The following EIF2AK2 variants were observed in gnomAD, a reference collection of about 807,000 sequenced individuals.
EIF2AK2 encodes interferon-induced, double-stranded RNA-activated protein kinase.
In EIF2AK2, 40 loss-of-function variants were observed where a neutral mutation model predicts 70.5. The ratio of observed to expected loss-of-function variants is 0.57; its 90% CI spans 0.44 to 0.74. The LOEUF (loss-of-function observed/expected upper bound fraction) is 0.74, where lower values mean the gene tolerates loss of function less well. Ranked by LOEUF, EIF2AK2 falls within the 30% of genes least tolerant of loss-of-function variation. The probability of loss-of-function intolerance (pLI) is 0.00; values close to 1 mark genes in which losing one functional copy is unlikely to be tolerated. For missense variants in EIF2AK2, 555 were observed against 644.3 expected (o/e 0.86, Z 1.50); for synonymous variants, 198 against 220.9 (o/e 0.90, Z 0.92).
Position 37,139,626 on chromosome 2 carries a change from C to A in EIF2AK2, c.516+5G>T. Reference sequence around the variant, plus strand: ...ATAAAAATTTAATCCAAAGGCAATACGTACCACTGAGGTTTCTTCTGATAA... The same window carrying A: ...ATAAAAATTTAATCCAAAGGCAATAAGTACCACTGAGGTTTCTTCTGATAA... On this transcript the variant is annotated splice_donor_5th_base_variant and intron_variant, in intron 6 of 16. Transcript: ENST00000233057. 1 of 1,608,672 alleles carries A rather than the reference C, an allele frequency of 6.2e-7. No homozygotes were observed. Among genetic ancestry groups the A allele is most frequent in the East Asian group, 2.2e-5 (1 of 44,808 alleles).
intron 13 of EIF2AK2, among the ~76,000 whole-genome samples, chr2:37,119,363 G>A (rs960519230): frequency 6.6e-6 from 1 of 151,912 alleles, no homozygotes; most frequent in Non-Finnish European, 1.5e-5. Context: ...GAGAGATTAG[G>A]GAACCATATT....
In EIF2AK2 at chr2:37,107,547, G is replaced by A; in HGVS notation, c.1480-20C>T. 6.2e-7 allele frequency: 1 copy of A among 1,602,826 alleles called. No individual in the cohort carries two copies. Among genetic ancestry groups the A allele is most frequent in the South Asian group, 1.1e-5 (1 of 89,720 alleles). On this transcript the variant is annotated intron_variant, in intron 15 of 16. Transcript: ENST00000233057. ...GAAAAACTGGAAAAAAAAATGATAG[G>A]TGTATATTAGGAAATTATTTACTTG...
Position 37,138,518 on chromosome 2 carries a change from G to C in EIF2AK2, c.584C>G (p.Thr195Ser). 1 of 1,613,982 alleles carries C rather than the reference G, an allele frequency of 6.2e-7. No homozygotes were observed. The highest frequency in any genetic ancestry group is 1.1e-5 in the South Asian group (1 of 91,064). ...TCESQSNSLV[T>S]STLASESSSE... ...GTTTGTCTACACTTACAGTGTGCTGGTCACTAAAGAGTTGCTTTGGGACTC... is the reference window on the plus strand; with the variant it reads ...GTTTGTCTACACTTACAGTGTGCTGCTCACTAAAGAGTTGCTTTGGGACTC... Residue 195 changes from threonine to serine, a missense_variant, in exon 7 of 17, where the codon ACC becomes AGC. By Grantham distance (58) the Thr-to-Ser change is moderately conservative (BLOSUM62 1). Around this residue, in one of 3 missense-constraint regions of EIF2AK2, gnomAD observed 208 missense variants for 191.8 expected, o/e 1.08. Coordinates refer to ENST00000233057, the MANE Select transcript of EIF2AK2 (RefSeq NM_001135651.3).
intron 4 of EIF2AK2, among the ~76,000 whole-genome samples, chr2:37,146,579 C>T (rs1037432555): frequency 2.4e-4 from 37 of 152,172 alleles, no homozygotes; most frequent in Middle Eastern, 3.2e-3. Flanking sequence ...TCCCACTGAA[C>T]ACTTCTCACC....
intron 1 of EIF2AK2, chr2:37,149,378 G>C: frequency 1.8e-6 from 1 of 543,996 alleles, no homozygotes; most frequent in Non-Finnish European, 3.2e-6. Flanking sequence ...TACATTTTAA[G>C]CTTGATTGTC....
chr2:37,123,690 AC>A (rs1674633877), intron 11 of EIF2AK2, among the ~76,000 whole-genome samples: 3 of 152,226 alleles, frequency 2.0e-5, no homozygotes, highest in Non-Finnish European at 4.4e-5. Flanking sequence ...AGTGTGAAGT[AC>A]CTAATTCAGG....
chr2:37,107,286 C>T lies in EIF2AK2; in HGVS notation c.1643G>A (p.Arg548Gln), dbSNP rs372618188. Residue 548 changes from arginine (R) to glutamine (Q), a missense_variant, in exon 17 of 17, where the codon CGA (arginine) becomes CAA (glutamine). By Grantham distance (43) the Arg-to-Gln change is conservative. This residue lies in a region of EIF2AK2 where 299 missense variants were observed against 375.4 expected (regional missense o/e 0.80). Coordinates refer to ENST00000233057, the MANE Select transcript of EIF2AK2 (RefSeq NM_001135651.3). ...TTCAGAAGGGCTCTAACATGTGTGT[C>T]GTTCATTTTTCTCTGGGCTTTTCTT... The part of the protein sequence containing the change: ...VWKKSPEKNE[R>Q]HTC The T allele has an allele frequency of 9.3e-6, 15 of 1,613,028 alleles. No homozygotes were observed. In the African/African-American group the frequency reaches 1.7e-4, roughly 19 times the overall value.
In EIF2AK2 at chr2:37,147,096, C is replaced by T. The variant is rs530780951; in HGVS notation, c.120-123G>A. 1.0e-5 allele frequency: 9 copies of T among 877,842 alleles called. No individual in the cohort carries two copies. The East Asian group carries it at 1.7e-4, about 17-fold the overall frequency. The allele number at this position is 877,842 out of a possible 1,614,324, so 54.4% of individuals were successfully genotyped here. On this transcript the variant is annotated intron_variant, in intron 3 of 16. Coordinates refer to ENST00000233057, the MANE Select transcript of EIF2AK2 (RefSeq NM_001135651.3). Reference sequence around the variant, plus strand: ...GGGTTTGAACCTACATTCAATATAGCATTTAAGCAGTCACCTCAAACAGTA... The same window carrying T: ...GGGTTTGAACCTACATTCAATATAGTATTTAAGCAGTCACCTCAAACAGTA...
chr2:37,128,612 C>A (rs1674831320), intron 10 of EIF2AK2, among the ~76,000 whole-genome samples: 1 of 152,198 alleles, frequency 6.6e-6, no homozygotes, highest in African/African-American at 2.4e-5. Flanking sequence ...CCTCAAGAAA[C>A]TTCTGTTGAA....
chr2:37,149,477 A>G (rs1675669287), intron 1 of EIF2AK2, among the ~76,000 whole-genome samples: 1 of 152,204 alleles, frequency 6.6e-6, no homozygotes, highest in Non-Finnish European at 1.5e-5. Flanking sequence ...AAATTCAGAT[A>G]GCCTATTTCT....
intron 8 of EIF2AK2, 99 bp from the exon 9 acceptor site, chr2:37,137,116 C>T (rs1675155496): frequency 2.1e-6 from 2 of 966,010 alleles, no homozygotes; most frequent in South Asian, 1.8e-5. Context: ...GCTCTCTGAC[C>T]AATTTCTTAG....
chr2:37,102,634 C>T lies in EIF2AK2; in HGVS notation c.*4639G>A, dbSNP rs919620909. The T allele has an allele frequency of 1.3e-5, 2 of 152,112 alleles. No individual in the cohort carries two copies. The highest frequency in any genetic ancestry group is 2.9e-5 in the Non-Finnish European group (2 of 68,026). 9.4% of individuals were successfully genotyped at this position (152,112 alleles called of 1,614,324 possible). On this transcript the variant is annotated 3_prime_UTR_variant, in exon 17 of 17. Transcript: ENST00000233057. ...ATACATATTCATACACATATGTGCACACACACAGGATGGCTTCATGGACAT... is the reference window on the plus strand; with the variant it reads ...ATACATATTCATACACATATGTGCATACACACAGGATGGCTTCATGGACAT...
intron 10 of EIF2AK2, among the ~76,000 whole-genome samples, chr2:37,134,003 C>T (rs892731253): frequency 1.6e-4 from 25 of 152,194 alleles, no homozygotes; most frequent in Non-Finnish European, 3.5e-4. Context: ...CCTTACACAA[C>T]CCCTCTTGCT....
intron 7 of EIF2AK2, 27 bp from the exon 8 acceptor site, chr2:37,138,390 T>C (rs1290209288): frequency 4.4e-6 from 7 of 1,605,502 alleles, no homozygotes; most frequent in East Asian, 2.2e-5. Flanking sequence ...TAACTATTAG[T>C]TTATTAATTC....
At chr2:37,130,943 G>A (rs957416149) in intron 10 of EIF2AK2, among the ~76,000 whole-genome samples, 19 of 152,244 alleles carry the variant, frequency 1.2e-4, no homozygotes, top group African/African-American at 4.6e-4. Flanking sequence ...CTCTCCAAAC[G>A]TTTCATAGCT....
intron 10 of EIF2AK2, among the ~76,000 whole-genome samples, chr2:37,134,036 C>T (rs1675039383): frequency 6.6e-6 from 1 of 152,196 alleles, no homozygotes; most frequent in South Asian, 2.1e-4. Context: ...TTCCTTTGCT[C>T]CAGAATGCTG....
At chr2:37,109,116 A>C (rs1178613726) in intron 15 of EIF2AK2, 78 bp downstream of exon 15, 9 of 1,312,296 alleles carry the variant, frequency 6.9e-6, no homozygotes, top group Admixed American at 1.9e-5. Context: ...CGTGAGGGCA[A>C]GAACTGTCTG....
intron 10 of EIF2AK2, among the ~76,000 whole-genome samples, chr2:37,128,075 C>A (rs535760711): frequency 6.6e-6 from 1 of 152,220 alleles, no homozygotes; most frequent in Admixed American, 6.5e-5. Context: ...AGTCGGTCAT[C>A]CCCATGAAAC....
intron 14 of EIF2AK2, among the ~76,000 whole-genome samples, chr2:37,109,728 A>G (rs192799671): frequency 3.9e-5 from 6 of 152,372 alleles, no homozygotes; most frequent in Admixed American, 3.9e-4. Flanking sequence ...ACAATGGACT[A>G]CGACTCAGCA....
Sources: allele counts gnomAD v4.1 joint callset (sites outside exome capture counted in the v4.1 genomes callset), GRCh38; gene constraint gnomAD v4.1.1; regional missense constraint gnomAD v4.1.1; transcripts MANE v1.5; gene names NCBI Gene and HGNC (gene_info 2026-07-23, HGNC 2026-07-21).